ATP5IF1: variants seen among roughly 807,000 people sequenced by gnomAD.
ATP5IF1 encodes ATP synthase inhibitory factor subunit 1, also known as ATPase inhibitor, mitochondrial.
In ATP5IF1, 12 loss-of-function variants were observed where a neutral mutation model predicts 8.5. The ratio of observed to expected loss-of-function variants is 1.41; its 90% CI spans 0.90 to 2.28. The LOEUF (loss-of-function observed/expected upper bound fraction) is 2.28, where lower values mean the gene tolerates loss of function less well. Among genes scored for constraint, ATP5IF1 ranks in the 30% most tolerant of loss-of-function variants. The pLI is 0.00. For missense variants in ATP5IF1, 154 were observed against 140.2 expected, an observed-to-expected ratio of 1.10 and a Z score of -0.50; for synonymous variants, 51 against 53.4, an observed-to-expected ratio of 0.96 and a Z score of 0.19.
At chr1:28,236,332 C>G in intron 1 of ATP5IF1, 29 bp from the exon 2 acceptor site, 2 of 1,614,218 alleles carry the variant, frequency 1.2e-6, no homozygotes, top group Non-Finnish European at 1.7e-6. Context: ...TGCTTCCGTA[C>G]CTTTACCAGT....
At chr1:28,237,493 TTGTC>T in intron 2 of ATP5IF1, 2 of 1,336,730 alleles carry the variant, frequency 1.5e-6, no homozygotes, top group Non-Finnish European at 1.9e-6. Context: ...CTACACCCCT[TTGTC>T]TGTCTTCCTC....
At chr1:28,237,517 C>CT (rs575585835) in intron 2 of ATP5IF1, 569 of 1,347,362 alleles carry the variant, frequency 4.2e-4, no homozygotes, top group East Asian at 1.4e-3. Flanking sequence ...CATTTTGTTC[C>CT]TTTTTTTTTC....
rs750046176 is a variant in ATP5IF1, at chr1:28,236,219, T to G, written c.36T>G (p.Leu12=). The G allele has an allele frequency of 1.9e-6, 3 of 1,613,874 alleles. No individual in the cohort carries two copies. Among genetic ancestry groups the G allele is most frequent in the Non-Finnish European group, 1.7e-6 (2 of 1,179,990 alleles). Reference sequence around the variant, plus strand: ...CGGCGTTGGCGGCGCGGACGTGGCTTGGCGTGTGGGGCGTGAGGACCATGC... The same window carrying G: ...CGGCGTTGGCGGCGCGGACGTGGCTGGGCGTGTGGGGCGTGAGGACCATGC... ...AVTALAARTW[L]GVWGVRTMQA... Residue 12 remains leucine (L), a synonymous_variant, in exon 1 of 3, where the codon CTT becomes CTG. Coordinates refer to ENST00000335514, the MANE Select transcript of ATP5IF1 (RefSeq NM_016311.5).
At chr1:28,236,534 T>A in intron 2 of ATP5IF1, 82 bp downstream of exon 2, 1 of 1,597,036 alleles carries the variant, frequency 6.3e-7, no homozygotes, top group South Asian at 1.1e-5. Context: ...CCCCACCCGT[T>A]CCTACCTGGT....
chr1:28,237,767 C>T (rs780027111), intron 2 of ATP5IF1, 70 bp from the exon 3 acceptor site: 59 of 1,613,966 alleles, frequency 3.7e-5, no homozygotes, highest in Non-Finnish European at 3.1e-5. Context: ...TTAGACATTA[C>T]AGGTTATGCT....
chr1:28,237,857 T>G lies in ATP5IF1; in HGVS notation c.200T>G (p.Leu67Arg), dbSNP rs1452620591. 1 of 1,614,044 alleles carries G rather than the reference T, an allele frequency of 6.2e-7. No homozygotes were observed. Among genetic ancestry groups the G allele is most frequent in the Non-Finnish European group, 8.5e-7 (1 of 1,180,036 alleles). ...RYFRAQSREQ[L>R]AALKKHHEEE... ...TGTAGAGCACAGAGTAGAGAACAAC[T>G]GGCAGCTTTGAAAAAACACCATGAA... Residue 67 changes from leucine to arginine, a missense_variant, in exon 3 of 3, where the codon CTG (leucine) becomes CGG (arginine). By Grantham distance (102) the Leu-to-Arg change is moderately radical (BLOSUM62 -2). Transcript: ENST00000335514.
intron 2 of ATP5IF1, chr1:28,236,818 G>A (rs1404846700): frequency 6.7e-6 from 8 of 1,189,452 alleles, no homozygotes; most frequent in Non-Finnish European, 8.5e-6. Context: ...CCCAACGTTT[G>A]CCTCCCAGCC....
chr1:28,238,065 GCTA>G lies in ATP5IF1; in HGVS notation c.*91_*93del, dbSNP rs1415601244. 1.5e-5 allele frequency: 20 copies of G among 1,304,100 alleles called. No homozygotes were observed. The African/African-American group carries it at 2.2e-4, about 15-fold the overall frequency. The allele number at this position is 1,304,100 out of a possible 1,614,324, so 80.8% of individuals were successfully genotyped here. On this transcript the variant is annotated 3_prime_UTR_variant, in exon 3 of 3. Coordinates refer to ENST00000335514, the MANE Select transcript of ATP5IF1 (RefSeq NM_016311.5). ...TGGTTTAACTAATATTTGTCTGTGT[GCTA>G]CTAACAGATTATAATAAATTGTCAT...
Position 28,238,023 on chromosome 1 carries a change from C to A in ATP5IF1, c.*45C>A, listed in dbSNP as rs1409748339. On this transcript the variant is annotated 3_prime_UTR_variant, in exon 3 of 3. Coordinates refer to ENST00000335514, the MANE Select transcript of ATP5IF1 (RefSeq NM_016311.5). The stretch of plus-strand genomic sequence containing the variant: ...GAATGGCACATGTCATTGCCCACTT[C>A]TGTGTAGACATGGTTCTGGTTTAAC... The A allele has an allele frequency of 1.3e-6, 2 of 1,562,292 alleles. No homozygotes were observed. The highest frequency in any genetic ancestry group is 1.1e-5 in the South Asian group (1 of 87,594).
In ATP5IF1 at chr1:28,237,903, G is replaced by T. The variant is rs780836240; in HGVS notation, c.246G>T (p.Lys82Asn). The T allele has an allele frequency of 1.2e-5, 20 of 1,613,384 alleles. No individual in the cohort carries two copies. In the East Asian group the frequency reaches 1.6e-4, roughly 13 times the overall value. Residue 82 changes from lysine (K) to asparagine (N), a missense_variant, in exon 3 of 3, where the codon AAG (lysine) becomes AAT (asparagine). Transcript: ENST00000335514. ...ATGAAGAAGAAATCGTTCATCATAA[G>T]AAGGAGATTGAGCGTCTGCAGAAAG... Reference protein sequence around the residue: ...KHHEEEIVHHKKEIERLQKEI... With the variant: ...KHHEEEIVHHNKEIERLQKEI...
At position 28,237,703 on chromosome 1, in the gene ATP5IF1, G is replaced by A. The variant is rs1647050588; in HGVS notation, c.180-134G>A. The A allele has an allele frequency of 5.0e-6, 8 of 1,606,378 alleles. No homozygotes were observed. In the South Asian group the frequency reaches 6.7e-5, roughly 13 times the overall value. On this transcript the variant is annotated intron_variant, in intron 2 of 2. Transcript: ENST00000335514. ...GGGGTATTCTTTCACTAGTTGAGGA[G>A]TAGAAGAGGATGACCAGCTAGACTC...
chr1:28,236,148 T>G lies in ATP5IF1; in HGVS notation c.-36T>G. 6.8e-6 allele frequency: 11 copies of G among 1,608,046 alleles called. No individual in the cohort carries two copies. The highest frequency in any genetic ancestry group is 1.3e-5 in the African/African-American group (1 of 75,056). ...TAGCGCGTAACGAGAGACTGCTTGC[T>G]GCGGCAGAGACGCCAGAGGTGCAGC... is the stretch of plus-strand genomic sequence containing the variant. On this transcript the variant is annotated 5_prime_UTR_variant, in exon 1 of 3. Transcript: ENST00000335514.
chr1:28,236,755 T>C (rs1647040522), intron 2 of ATP5IF1: 1 of 1,307,582 alleles, frequency 7.6e-7, no homozygotes, highest in African/African-American at 1.5e-5. Context: ...GGAGTTCTCC[T>C]CAGGTCGTGC....
chr1:28,237,858 G>T lies in ATP5IF1; in HGVS notation c.201G>T (p.Leu67=). 6.2e-7 allele frequency: 1 copy of T among 1,614,096 alleles called. No individual in the cohort carries two copies. The highest frequency in any genetic ancestry group is 1.3e-5 in the African/African-American group (1 of 75,010). Residue 67 remains leucine (L), a synonymous_variant, in exon 3 of 3, where the codon CTG becomes CTT. Transcript: ENST00000335514. ...RYFRAQSREQ[L]AALKKHHEEE... is the part of the protein sequence containing the mutation. ...GTAGAGCACAGAGTAGAGAACAACTGGCAGCTTTGAAAAAACACCATGAAG... is the reference window on the plus strand; with the variant it reads ...GTAGAGCACAGAGTAGAGAACAACTTGCAGCTTTGAAAAAACACCATGAAG...
intron 2 of ATP5IF1, chr1:28,237,171 T>C: frequency 1.0e-6 from 1 of 992,072 alleles, no homozygotes; most frequent in Non-Finnish European, 1.2e-6. Context: ...TGCTTTTGCT[T>C]GTCCTTTGGC....
intron 2 of ATP5IF1, chr1:28,237,098 G>A: frequency 2.0e-6 from 2 of 992,704 alleles, no homozygotes; most frequent in Non-Finnish European, 2.4e-6. Flanking sequence ...GCCTCCCTTT[G>A]CCAGCCTTGA....
intron 2 of ATP5IF1, chr1:28,237,263 ACTAT>A (rs1338494670): frequency 1.1e-5 from 11 of 996,424 alleles, no homozygotes; most frequent in African/African-American, 8.7e-5. Flanking sequence ...GCCGTTAGAG[ACTAT>A]CTAATTGAGC....
chr1:28,236,873 C>G, intron 2 of ATP5IF1: 1 of 1,133,058 alleles, frequency 8.8e-7, no homozygotes, highest in Non-Finnish European at 1.1e-6. Flanking sequence ...TCTACGCTCT[C>G]CTTCCTCGCC....
At chr1:28,236,802 C>CT in intron 2 of ATP5IF1, 1 of 1,212,254 alleles carries the variant, frequency 8.2e-7, no homozygotes. Flanking sequence ...TGTCTAGATC[C>CT]GACCGCCCAA....
Sources: allele counts gnomAD v4.1 joint callset, GRCh38; gene constraint gnomAD v4.1.1; transcripts MANE v1.5; gene names NCBI Gene and HGNC (gene_info 2026-07-23, HGNC 2026-07-21).